The following NKAIN2 variants were observed in gnomAD, a reference collection of about 807,000 sequenced individuals.
NKAIN2 encodes the protein sodium/potassium transporting ATPase interacting 2, also known as sodium/potassium-transporting ATPase subunit beta-1-interacting protein 2.
In NKAIN2, 14 loss-of-function variants were observed where a neutral mutation model predicts 32.6. That is an observed-to-expected ratio of 0.43 (90% CI 0.28 to 0.67). The LOEUF is 0.67. Among genes scored for constraint, NKAIN2 ranks in the 30% least tolerant of loss-of-function variants. NKAIN2 has a pLI of 0.17. For synonymous variants in NKAIN2, 80 were observed against 87.2 expected (o/e 0.92, Z 0.46); for missense variants, 198 against 258.3 (o/e 0.77, Z 1.60).
chr6:124,212,669 T>A (rs2114665962), intron 1 of NKAIN2, among the ~76,000 whole-genome samples: 1 of 152,244 alleles, frequency 6.6e-6, no homozygotes, highest in East Asian at 1.9e-4. Context: ...ATTTCCACAT[T>A]TTTGAAAGGA....
chr6:124,631,291 T>TAACA lies in NKAIN2; in HGVS notation c.274-26889_274-26886dup, dbSNP rs539147309. Among the ~76,000 whole-genome samples, 122 of 152,280 alleles carry TAACA rather than the reference T, an allele frequency of 8.0e-4. 1 individual carries two copies. Among genetic ancestry groups the TAACA allele is most frequent in the Middle Eastern group, 6.8e-3 (2 of 294 alleles). On this transcript the variant is annotated intron_variant, in intron 3 of 6. Transcript: ENST00000368417. ...GTAGTTGTCAATGGAGGCAGATTAC[T>TAACA]AACAAACAATTGGGAATAAACCAGT... is the stretch of plus-strand genomic sequence containing the variant.
At chr6:124,192,517 C>T (rs1040274372) in intron 1 of NKAIN2, among the ~76,000 whole-genome samples, 11 of 152,084 alleles carry the variant, frequency 7.2e-5, no homozygotes, top group African/African-American at 2.7e-4. Context: ...GGCATATGGT[C>T]TATTTTGGTG....
chr6:124,410,623 G>A (rs1231456751), intron 3 of NKAIN2, among the ~76,000 whole-genome samples: 3 of 152,120 alleles, frequency 2.0e-5, no homozygotes, highest in Admixed American at 2.0e-4. Flanking sequence ...CAACCATGTG[G>A]TCAATTTTGG....
At chr6:124,262,275 G>A (rs1041331489) in intron 1 of NKAIN2, among the ~76,000 whole-genome samples, 2 of 152,124 alleles carry the variant, frequency 1.3e-5, no homozygotes, top group African/African-American at 2.4e-5. Context: ...TTCCATTGCC[G>A]TCCTGGAAGA....
At chr6:124,773,782 G>C (rs984560937) in intron 4 of NKAIN2, among the ~76,000 whole-genome samples, 4 of 152,174 alleles carry the variant, frequency 2.6e-5, no homozygotes, top group African/African-American at 9.7e-5. Flanking sequence ...AGTAGTGTGA[G>C]TGCCAAGAAA....
intron 1 of NKAIN2, among the ~76,000 whole-genome samples, chr6:123,851,242 C>CTTTTTTT (rs1383360552): frequency 1.4e-5 from 1 of 71,040 alleles, no homozygotes; most frequent in Admixed American, 1.3e-4. Context: ...TATGGTGGTT[C>CTTTTTTT]TATTTTTTTT....
intron 1 of NKAIN2, among the ~76,000 whole-genome samples, chr6:123,864,454 T>TG (rs1040997845): frequency 6.6e-6 from 1 of 152,204 alleles, no homozygotes; most frequent in African/African-American, 2.4e-5. Flanking sequence ...TGAACAAAAC[T>TG]GAGTCCCTAT....
intron 3 of NKAIN2, among the ~76,000 whole-genome samples, chr6:124,496,260 T>A (rs141988415): frequency 9.8e-5 from 15 of 152,300 alleles, no homozygotes; most frequent in African/African-American, 3.4e-4. Context: ...AACTTTTACA[T>A]TCCCAAGTGC....
At chr6:123,997,629 A>C (rs1779684193) in intron 1 of NKAIN2, among the ~76,000 whole-genome samples, 1 of 122,836 alleles carries the variant, frequency 8.1e-6, no homozygotes, top group African/African-American at 3.2e-5. Context: ...TTTGAGACAG[A>C]GTCTCGCTCT....
At chr6:124,335,200 T>A (rs1797817534) in intron 2 of NKAIN2, among the ~76,000 whole-genome samples, 1 of 152,208 alleles carries the variant, frequency 6.6e-6, no homozygotes, top group Non-Finnish European at 1.5e-5. Flanking sequence ...AGTTGTATTG[T>A]AGCAATTTAA....
At chr6:124,256,072 G>T (rs902687002) in intron 1 of NKAIN2, among the ~76,000 whole-genome samples, 1 of 152,116 alleles carries the variant, frequency 6.6e-6, no homozygotes, top group African/African-American at 2.4e-5. Flanking sequence ...AAATTACTCC[G>T]TGGAGTGTTA....
chr6:124,430,767 C>T (rs1775183893), intron 3 of NKAIN2, among the ~76,000 whole-genome samples: 1 of 152,106 alleles, frequency 6.6e-6, no homozygotes, highest in Non-Finnish European at 1.5e-5. Context: ...GTTACAAAGA[C>T]TCTCAGGTTC....
chr6:124,729,574 T>C (rs1478686154), intron 4 of NKAIN2, among the ~76,000 whole-genome samples: 2 of 151,600 alleles, frequency 1.3e-5, no homozygotes, highest in East Asian at 3.9e-4. Flanking sequence ...TAATAAAAGC[T>C]ATCTATGACA....
chr6:124,480,505 CAATT>C (rs1310258229), intron 3 of NKAIN2, among the ~76,000 whole-genome samples: 2 of 152,024 alleles, frequency 1.3e-5, no homozygotes, highest in African/African-American at 2.4e-5. Flanking sequence ...TTTTTCTTGT[CAATT>C]AATACTCTTG....
At chr6:124,753,741 AGAG>A (rs1229310777) in intron 4 of NKAIN2, among the ~76,000 whole-genome samples, 1 of 152,094 alleles carries the variant, frequency 6.6e-6, no homozygotes, top group East Asian at 1.9e-4. Context: ...GTGTGACTTC[AGAG>A]GAGAAGCTGG....
At chr6:124,694,538 A>G (rs1049603774) in intron 4 of NKAIN2, among the ~76,000 whole-genome samples, 3 of 152,202 alleles carry the variant, frequency 2.0e-5, no homozygotes. Context: ...TTCCCTAGAA[A>G]GCATTTCTTC....
At position 123,839,622 on chromosome 6, in the gene NKAIN2, T is replaced by C. The variant is rs116896742; in HGVS notation, c.54+35368T>C. On this transcript the variant is annotated intron_variant, in intron 1 of 6. Transcript: ENST00000368417. ...TTCACTTTGGCTGTTAACTACCCTC[T>C]CTCCCACCTACTTTTTCTTTTGCAA... Among the ~76,000 whole-genome samples the C allele has an allele frequency of 7.4e-3, 1,134 of 152,308 alleles. 6 individuals are homozygous for C. The highest frequency in any genetic ancestry group is 0.024 in the South Asian group (114 of 4,820).
At chr6:124,598,301 A>T (rs1242923195) in intron 3 of NKAIN2, among the ~76,000 whole-genome samples, 1 of 152,130 alleles carries the variant, frequency 6.6e-6, no homozygotes. Context: ...AGAGCATAAA[A>T]CTTGTTTGGT....
At chr6:124,664,917 T>C (rs1772715645) in intron 4 of NKAIN2, among the ~76,000 whole-genome samples, 1 of 150,234 alleles carries the variant, frequency 6.7e-6, no homozygotes, top group South Asian at 2.1e-4. Context: ...AACAAGAATG[T>C]ATACGTGTAT....
Sources: allele counts gnomAD v4.1 joint callset (sites outside exome capture counted in the v4.1 genomes callset), GRCh38; gene constraint gnomAD v4.1.1; transcripts MANE v1.5; gene names NCBI Gene and HGNC (gene_info 2026-07-23, HGNC 2026-07-21).